Variants in ESR1 observed in about 807,000 individuals in gnomAD.
ESR1 encodes estrogen receptor 1.
In ESR1, 12 loss-of-function variants were observed where a neutral mutation model predicts 52.7. That is an observed-to-expected ratio of 0.23 (90% CI 0.15 to 0.37). The LOEUF (loss-of-function observed/expected upper bound fraction) is 0.37. Ranked by LOEUF, ESR1 falls within the 10% of genes least tolerant of loss-of-function variation. The pLI is 1.00. For missense variants in ESR1, 584 were observed against 779.7 expected, an observed-to-expected ratio of 0.75 and a Z score of 2.99; for synonymous variants, 305 against 316.8, an observed-to-expected ratio of 0.96 and a Z score of 0.39.
chr6:152,016,478 C>G (rs2043182090), intron 5 of ESR1, among the ~76,000 whole-genome samples: 1 of 152,082 alleles, frequency 6.6e-6, no homozygotes, highest in African/African-American at 2.4e-5. Flanking sequence ...TAATTACCAT[C>G]TTGGTGTTTG....
At chr6:152,050,515 C>T (rs1170809293) in intron 5 of ESR1, among the ~76,000 whole-genome samples, 1 of 152,136 alleles carries the variant, frequency 6.6e-6, no homozygotes, top group African/African-American at 2.4e-5. Flanking sequence ...CCAGACACTG[C>T]CTTCTCTAAG....
chr6:151,918,911 T>G (rs570424324), intron 3 of ESR1, among the ~76,000 whole-genome samples: 1 of 151,238 alleles, frequency 6.6e-6, no homozygotes, highest in South Asian at 2.1e-4. Flanking sequence ...GATCCTAACT[T>G]ATTTCTTTTA....
chr6:151,914,750 C>A (rs912176203), intron 3 of ESR1, among the ~76,000 whole-genome samples: 1 of 152,140 alleles, frequency 6.6e-6, no homozygotes, highest in Non-Finnish European at 1.5e-5. Context: ...TCAGATGTTT[C>A]AGTGTTGTGA....
chr6:152,046,756 A>G (rs915896116), intron 5 of ESR1, among the ~76,000 whole-genome samples: 2 of 152,230 alleles, frequency 1.3e-5, no homozygotes, highest in Non-Finnish European at 1.5e-5. Flanking sequence ...CTCTGCTCAC[A>G]GGCCTTGTTT....
intron 2 of ESR1, among the ~76,000 whole-genome samples, chr6:151,742,086 C>T (rs937172187): frequency 7.9e-5 from 12 of 152,298 alleles, no homozygotes; most frequent in Non-Finnish European, 1.8e-4. Flanking sequence ...CCAGGCTCAT[C>T]CATGTTGTGG....
intron 1 of ESR1, among the ~76,000 whole-genome samples, chr6:151,842,046 A>G (rs1784369606): frequency 6.6e-6 from 1 of 152,166 alleles, no homozygotes; most frequent in Non-Finnish European, 1.5e-5. Flanking sequence ...AGGAGTTTTG[A>G]ATATTGAAGA....
chr6:151,754,710 T>C (rs1188061996), intron 2 of ESR1, among the ~76,000 whole-genome samples: 1 of 152,232 alleles, frequency 6.6e-6, no homozygotes, highest in East Asian at 1.9e-4. Context: ...TCTCCTCTGC[T>C]GGTTGCTCCA....
At chr6:152,022,366 TA>T (rs751018961) in intron 5 of ESR1, among the ~76,000 whole-genome samples, 11 of 152,166 alleles carry the variant, frequency 7.2e-5, no homozygotes, top group Non-Finnish European at 1.5e-4. Context: ...TTTTTCCTCA[TA>T]CATGTTGGGT....
At chr6:151,720,895 T>C (rs1294780867) in intron 2 of ESR1, among the ~76,000 whole-genome samples, 1 of 152,242 alleles carries the variant, frequency 6.6e-6, no homozygotes, top group African/African-American at 2.4e-5. Flanking sequence ...AATTTCATGT[T>C]ACTTTATAAA....
intron 2 of ESR1, among the ~76,000 whole-genome samples, chr6:151,705,458 A>T (rs1446308883): frequency 6.6e-6 from 1 of 152,196 alleles, no homozygotes; most frequent in Non-Finnish European, 1.5e-5. Flanking sequence ...GATGGAAAAG[A>T]TGGAAAGAAG....
At chr6:152,045,574 A>AGTTTTTT (rs773695067) in intron 5 of ESR1, among the ~76,000 whole-genome samples, 20 of 152,086 alleles carry the variant, frequency 1.3e-4, no homozygotes, top group Non-Finnish European at 2.4e-4. Context: ...TGTGGGCCTC[A>AGTTTTTT]GTTTTTTGTT....
intron 2 of ESR1, among the ~76,000 whole-genome samples, chr6:151,856,636 A>G (rs1321101044): frequency 6.6e-6 from 1 of 152,120 alleles, no homozygotes; most frequent in African/African-American, 2.4e-5. Flanking sequence ...TCCCTATATA[A>G]TACTTTTTCT....
At chr6:151,873,775 A>C (rs1791367785) in intron 2 of ESR1, among the ~76,000 whole-genome samples, 1 of 152,224 alleles carries the variant, frequency 6.6e-6, no homozygotes, top group Non-Finnish European at 1.5e-5. Context: ...AAACATACTG[A>C]TGCTTAGAAG....
At chr6:151,991,062 A>C (rs771480922) in intron 4 of ESR1, among the ~76,000 whole-genome samples, 2 of 152,146 alleles carry the variant, frequency 1.3e-5, no homozygotes, top group African/African-American at 2.4e-5. Context: ...TAGTGCACTA[A>C]ATTTTTTCCT....
intron 2 of ESR1, among the ~76,000 whole-genome samples, chr6:151,771,469 C>T (rs1248950950): frequency 6.6e-6 from 1 of 152,162 alleles, no homozygotes; most frequent in Non-Finnish European, 1.5e-5. Flanking sequence ...TTTCTTGTGG[C>T]AGGCTGGCCG....
intron 2 of ESR1, among the ~76,000 whole-genome samples, chr6:151,781,399 G>T (rs1365017063): frequency 6.6e-6 from 1 of 152,248 alleles, no homozygotes; most frequent in Non-Finnish European, 1.5e-5. Flanking sequence ...CATCCATGAA[G>T]GTGGAGGCCT....
chr6:152,122,273 C>T, intron 6 of ESR1: 1 of 1,081,282 alleles, frequency 9.2e-7, no homozygotes. Context: ...TTATCTTCCA[C>T]CTCTGAAGCC....
intron 1 of ESR1, among the ~76,000 whole-genome samples, chr6:151,824,402 T>A (rs1261025916): frequency 6.6e-6 from 1 of 152,106 alleles, no homozygotes; most frequent in Non-Finnish European, 1.5e-5. Flanking sequence ...ATTGCAAAAA[T>A]TTTCTCCCAT....
At chr6:151,928,916 A>C (rs1446450056) in intron 3 of ESR1, among the ~76,000 whole-genome samples, 1 of 152,086 alleles carries the variant, frequency 6.6e-6, no homozygotes, top group African/African-American at 2.4e-5. Flanking sequence ...TTGGTGTGAG[A>C]GCCTACTTTG....
Sources: allele counts gnomAD v4.1 joint callset (sites outside exome capture counted in the v4.1 genomes callset), GRCh38; gene constraint gnomAD v4.1.1; transcripts MANE v1.5; gene names NCBI Gene and HGNC (gene_info 2026-07-23, HGNC 2026-07-21).